C10orf143: variants seen among roughly 807,000 people sequenced by gnomAD.
The protein encoded by C10orf143 is chromosome 10 open reading frame 143.
intron 3 of C10orf143, among the ~76,000 whole-genome samples, chr10:130,044,520 T>A (rs1350943510): frequency 1.3e-5 from 2 of 152,122 alleles, no homozygotes; most frequent in Non-Finnish European, 2.9e-5. Context: ...GGGTGTGGTC[T>A]TTGAGGAAGG....
rs972432421 is a variant in C10orf143, at chr10:130,046,496, C to G, written c.298-10526G>C. Among the ~76,000 whole-genome samples the G allele has an allele frequency of 5.3e-5, 8 of 152,360 alleles. 1 individual carries two copies. The South Asian group carries it at 1.0e-3, about 20-fold the overall frequency. ...GACGAGACAATGCTGCCGTAAGAGT[C>G]TCGGGGTTACTGCAGGGAATTCTTC... On this transcript the variant is annotated intron_variant and NMD_transcript_variant, in intron 3 of 5. Coordinates refer to the C10orf143 transcript ENST00000643056.
chr10:130,104,287 C>T (rs868688091), intron 1 of C10orf143: 9 of 152,262 alleles, frequency 5.9e-5, no homozygotes, highest in African/African-American at 1.2e-4. Context: ...CATGTGACCA[C>T]GCTAGCTAAC....
At chr10:130,053,299 A>G (rs1564954190) in intron 3 of C10orf143, among the ~76,000 whole-genome samples, 2 of 152,154 alleles carry the variant, frequency 1.3e-5, no homozygotes, top group African/African-American at 2.4e-5. Flanking sequence ...GATATATCAC[A>G]TGACCTCGTG....
At chr10:130,047,116 C>T (rs192939204) in intron 3 of C10orf143, among the ~76,000 whole-genome samples, 2 of 152,314 alleles carry the variant, frequency 1.3e-5, no homozygotes, top group African/African-American at 4.8e-5. Flanking sequence ...AGGCTCCTGC[C>T]AATATCCAGA....
chr10:130,059,480 GAC>G (rs1590011138), downstream of C10orf143, among the ~76,000 whole-genome samples: 1 of 152,116 alleles, frequency 6.6e-6, no homozygotes. Context: ...GTTTACAAAA[GAC>G]ACACACGGCC....
downstream of C10orf143, among the ~76,000 whole-genome samples, chr10:130,060,508 G>T (rs1471195519): frequency 6.6e-6 from 1 of 152,168 alleles, no homozygotes. Flanking sequence ...GACATGAAAA[G>T]AGTTACATGA....
rs1283717297 is a variant in C10orf143 at position 130,110,735 on chromosome 10, C to T, written c.38G>A (p.Arg13Lys). The T allele has an allele frequency of 2.5e-6, 1 of 399,014 alleles. No individual in the cohort carries two copies. The highest frequency in any genetic ancestry group is 4.4e-6 in the Non-Finnish European group (1 of 226,150). 24.7% of individuals were successfully genotyped at this position (399,014 alleles called of 1,614,324 possible). ...CCCCGGAACCTGCAGATCCTCCGCC[C>T]TCCGCTGTCGCCAGCGGCCGAGCGC... The part of the protein sequence containing the change: ...SLALGRWRQR[R>K]AEDLQVPGDV... Residue 13 changes from arginine (R) to lysine (K), a missense_variant, in exon 1 of 4, where the codon AGG (arginine) becomes AAG (lysine). Arg to Lys is a conservative substitution (Grantham distance 26, BLOSUM62 2). Transcript: ENST00000637128.
At chr10:130,084,710 A>G (rs1417970890) in intron 1 of C10orf143, among the ~76,000 whole-genome samples, 1 of 152,174 alleles carries the variant, frequency 6.6e-6, no homozygotes, top group Non-Finnish European at 1.5e-5. Context: ...CACTAAGGAC[A>G]GTGGCATCCT....
At chr10:130,040,163 C>T (rs978245708) in intron 3 of C10orf143, among the ~76,000 whole-genome samples, 1 of 152,158 alleles carries the variant, frequency 6.6e-6, no homozygotes, top group African/African-American at 2.4e-5. Flanking sequence ...CTGGGAATTT[C>T]AGCAGCCAGC....
chr10:130,063,116 A>AC (rs1356307348), downstream of C10orf143, among the ~76,000 whole-genome samples: 14 of 152,224 alleles, frequency 9.2e-5, no homozygotes, highest in African/African-American at 3.4e-4. Flanking sequence ...GGGCAGGAGG[A>AC]TGCCCGGGGA....
chr10:130,064,364 TTGG>T lies in C10orf143; in HGVS notation c.314_316del (p.Thr105del). 1 of 398,656 alleles carries T rather than the reference TTGG, an allele frequency of 2.5e-6. No homozygotes were observed. The highest frequency in any genetic ancestry group is 4.4e-5 in the Admixed American group (1 of 22,738). 24.7% of individuals were successfully genotyped at this position (398,656 alleles called of 1,614,324 possible). On this transcript the variant is annotated inframe_deletion, in exon 4 of 4. Coordinates refer to ENST00000637128, the MANE Select transcript of C10orf143 (RefSeq NM_001355042.2). Reference sequence around the variant, plus strand: ...TCCAGCTTGCATCTTCTAATGATTCTTGGTATGGCTAAAATGTCCCTACAAAGA... The same window carrying T: ...TCCAGCTTGCATCTTCTAATGATTCTTATGGCTAAAATGTCCCTACAAAGA...
intron 3 of C10orf143, among the ~76,000 whole-genome samples, chr10:130,040,992 G>A (rs909271769): frequency 6.6e-6 from 1 of 152,116 alleles, no homozygotes; most frequent in Non-Finnish European, 1.5e-5. Context: ...ATCTTAGTGA[G>A]GGCCCCCGCC....
chr10:130,067,016 A>G (rs1424384207), intron 3 of C10orf143: 1 of 152,236 alleles, frequency 6.6e-6, no homozygotes, highest in Non-Finnish European at 1.5e-5. Flanking sequence ...CAAGAGAACG[A>G]TGTTTGTGAA....
At chr10:130,048,620 C>A (rs1477321573) in intron 3 of C10orf143, among the ~76,000 whole-genome samples, 1 of 152,194 alleles carries the variant, frequency 6.6e-6, no homozygotes, top group Admixed American at 6.5e-5. Context: ...CACCTACTAG[C>A]CCCACGGCTA....
At chr10:130,075,289 G>A (rs1324340474) in intron 3 of C10orf143, among the ~76,000 whole-genome samples, 1 of 152,090 alleles carries the variant, frequency 6.6e-6, no homozygotes, top group Non-Finnish European at 1.5e-5. Flanking sequence ...GGGCAACATT[G>A]AAGGGCCTGA....
At chr10:130,075,987 G>GTTTTTTT (rs11374857) in intron 3 of C10orf143, among the ~76,000 whole-genome samples, 3 of 133,186 alleles carry the variant, frequency 2.3e-5, no homozygotes, top group Non-Finnish European at 3.2e-5. Context: ...TTGTTTGTTT[G>GTTTTTTT]TTTGTTTTTT....
downstream of C10orf143, among the ~76,000 whole-genome samples, chr10:130,061,385 G>T (rs1590011842): frequency 6.6e-6 from 1 of 152,190 alleles, no homozygotes; most frequent in Admixed American, 6.5e-5. Context: ...TTTTGAAGGA[G>T]GAAAAACATG....
At chr10:130,070,191 T>C (rs111758583) in intron 3 of C10orf143, among the ~76,000 whole-genome samples, 4 of 152,260 alleles carry the variant, frequency 2.6e-5, no homozygotes, top group African/African-American at 7.2e-5. Flanking sequence ...ATCCCTGTGA[T>C]GGGAGCTTTT....
Position 130,084,070 on chromosome 10 carries a change from G to A in C10orf143, c.70-4169C>T, listed in dbSNP as rs1011448866. 3.3e-5 allele frequency among the ~76,000 whole-genome samples: 5 copies of A among 152,126 alleles called. No homozygotes were observed. The East Asian group carries it at 7.7e-4, about 23-fold the overall frequency. On this transcript the variant is annotated intron_variant, in intron 1 of 3. Coordinates refer to ENST00000637128, the MANE Select transcript of C10orf143 (RefSeq NM_001355042.2). ...TCATGCCTGCAATCCCAGCACTTTG[G>A]GAGGCCAAGGTGGGCAGATCACAAG... is the stretch of plus-strand genomic sequence containing the variant.
Sources: allele counts gnomAD v4.1 joint callset (sites outside exome capture counted in the v4.1 genomes callset), GRCh38; gene constraint gnomAD v4.1.1; transcripts MANE v1.5; gene names NCBI Gene and HGNC (gene_info 2026-07-23, HGNC 2026-07-21).